The following RHOQ variants were observed in gnomAD, a reference collection of about 807,000 sequenced individuals.
RHOQ encodes the protein rho-related GTP-binding protein RhoQ.
RHOQ carries 7 observed loss-of-function variants against 25.8 expected under a neutral mutation model. The ratio of observed to expected loss-of-function variants is 0.27; its 90% confidence interval spans 0.15 to 0.51. The LOEUF is 0.51. Ranked by LOEUF, RHOQ falls within the 20% of genes least tolerant of loss-of-function variation. The probability of loss-of-function intolerance (pLI) is 0.97; values close to 1 mark genes in which losing one functional copy is unlikely to be tolerated. For missense variants in RHOQ, 165 were observed against 260.6 expected (o/e 0.63, Z 2.53); for synonymous variants, 97 against 98.6 (o/e 0.98, Z 0.10).
intron 4 of RHOQ, chr2:46,579,963 C>T (rs1023451197): frequency 2.0e-5 from 3 of 152,396 alleles, no homozygotes; most frequent in African/African-American, 7.2e-5. Context: ...TTTTTTCTAA[C>T]TCTTCCCTCT....
intron 2 of RHOQ, among the ~76,000 whole-genome samples, chr2:46,560,176 G>T (rs1216432295): frequency 1.3e-5 from 2 of 152,210 alleles, no homozygotes; most frequent in African/African-American, 4.8e-5. Context: ...GTGCAGTCCG[G>T]TGTTTAACTG....
chr2:46,574,611 TG>T (rs1212898648), intron 2 of RHOQ, among the ~76,000 whole-genome samples: 2 of 152,164 alleles, frequency 1.3e-5, no homozygotes, highest in Non-Finnish European at 2.9e-5. Flanking sequence ...TGCAGAAGAT[TG>T]GGGGTGGCAT....
At chr2:46,572,940 CA>C (rs1293030233) in intron 2 of RHOQ, among the ~76,000 whole-genome samples, 6 of 152,152 alleles carry the variant, frequency 3.9e-5, no homozygotes, top group Non-Finnish European at 7.3e-5. Flanking sequence ...GCATATGAAC[CA>C]TTTTATATGA....
In RHOQ at chr2:46,546,517, TAC is replaced by T. The variant is rs1297530616; in HGVS notation, c.201+2707_201+2708del. ...ATATATATATATATATATATGTATA[TAC>T]ATATATATATATACACAAATCCTTA... On this transcript the variant is annotated intron_variant, in intron 2 of 4. Transcript: ENST00000238738. Among the ~76,000 whole-genome samples the T allele has an allele frequency of 5.7e-3, 138 of 24,174 alleles. 4 individuals carry two copies. The highest frequency in any genetic ancestry group is 7.1e-3 in the Non-Finnish European group (94 of 13,194). The allele number at this position is 24,174 out of a possible 152,430, so 15.9% of individuals were successfully genotyped here. A position where few individuals can be genotyped will look rare whatever the true frequency, so the allele number is the denominator to read the frequency against.
chr2:46,571,927 C>G (rs185043982), intron 2 of RHOQ, among the ~76,000 whole-genome samples: 10 of 152,068 alleles, frequency 6.6e-5, no homozygotes, highest in African/African-American at 2.4e-4. Context: ...ATGAAGGGGA[C>G]AAAGAATAGT....
rs866471458 is a variant in RHOQ at position 46,548,317 on chromosome 2, C to T, written c.201+4505C>T. The stretch of plus-strand genomic sequence containing the variant: ...GCACTTCCCCTACAGAAGGGAATCT[C>T]CACCGGAGGCAGGCTTGGCATGCCC... On this transcript the variant is annotated intron_variant, in intron 2 of 4. Coordinates refer to ENST00000238738, the MANE Select transcript of RHOQ (RefSeq NM_012249.4). The surrounding 1 kb of genome is among the most constrained non-coding windows in gnomAD (Gnocchi z 5.2). 6.6e-6 allele frequency among the ~76,000 whole-genome samples: 1 copy of T among 152,182 alleles called. No homozygotes were observed. The highest frequency in any genetic ancestry group is 1.5e-5 in the Non-Finnish European group (1 of 68,028).
chr2:46,557,333 T>C (rs1425564314), intron 2 of RHOQ, among the ~76,000 whole-genome samples: 1 of 152,226 alleles, frequency 6.6e-6, no homozygotes, highest in Non-Finnish European at 1.5e-5. Flanking sequence ...AAAAGGGAGT[T>C]GCTAAATCAC....
At chr2:46,543,655 A>C in intron 1 of RHOQ, 99 bp from the exon 2 acceptor site, 1 of 1,043,178 alleles carries the variant, frequency 9.6e-7, no homozygotes, top group Non-Finnish European at 1.5e-6. Flanking sequence ...CCACGCCTCT[A>C]GCTGGGTTGG....
rs945600027 is a variant in RHOQ, at chr2:46,552,908, A to C, written c.201+9096A>C. 5.9e-5 allele frequency among the ~76,000 whole-genome samples: 9 copies of C among 152,208 alleles called. No homozygotes were observed. The highest frequency in any genetic ancestry group is 2.2e-4 in the African/African-American group (9 of 41,454). ...GGAGGTGAAATGCTAGTAAGAGTTA[A>C]GTTGAGTAAGGTTGTTTCCACGAAA... is the stretch of plus-strand genomic sequence containing the variant. On this transcript the variant is annotated intron_variant, in intron 2 of 4. Transcript: ENST00000238738. The surrounding 1 kb of genome is among the most constrained non-coding windows in gnomAD (Gnocchi z 5.0).
In RHOQ at chr2:46,542,526, G is replaced by C. The variant is rs376814749; in HGVS notation, c.-521G>C. On this transcript the variant is annotated 5_prime_UTR_variant, in exon 1 of 5. Transcript: ENST00000238738. Reference sequence around the variant, plus strand: ...CGCCCCTCCGCGCGGCCCTCGCAGGGAGTGGGGCTCGGGTGCGCCGGCAGG... The same window carrying C: ...CGCCCCTCCGCGCGGCCCTCGCAGGCAGTGGGGCTCGGGTGCGCCGGCAGG... 1 of 149,428 alleles carries C rather than the reference G, an allele frequency of 6.7e-6. No individual in the cohort carries two copies. Among genetic ancestry groups the C allele is most frequent in the African/African-American group, 2.4e-5 (1 of 41,144 alleles). 9.3% of individuals were successfully genotyped at this position (149,428 alleles called of 1,614,324 possible). A position where few individuals can be genotyped will look rare whatever the true frequency, so the allele number is the denominator to read the frequency against.
At chr2:46,574,688 A>C (rs774157179) in intron 2 of RHOQ, among the ~76,000 whole-genome samples, 9 of 152,226 alleles carry the variant, frequency 5.9e-5, no homozygotes, top group Non-Finnish European at 1.0e-4. Flanking sequence ...TCTAGATTAT[A>C]GGTGTGCCCT....
rs1163645852 is a variant in RHOQ at position 46,583,512 on chromosome 2, C to A, written c.*2429C>A. On this transcript the variant is annotated 3_prime_UTR_variant, in exon 5 of 5. Coordinates refer to ENST00000238738, the MANE Select transcript of RHOQ (RefSeq NM_012249.4). ...CTGAAGCTGAGGTGCCTTAGGTACT[C>A]TACTGACCTTGATGGGTTTGGAGTT... 6.6e-6 allele frequency among the ~76,000 whole-genome samples: 1 copy of A among 152,106 alleles called. No homozygotes were observed. Among genetic ancestry groups the A allele is most frequent in the Non-Finnish European group, 1.5e-5 (1 of 67,996 alleles).
At chr2:46,561,280 G>A (rs1237551589) in intron 2 of RHOQ, among the ~76,000 whole-genome samples, 1 of 151,952 alleles carries the variant, frequency 6.6e-6, no homozygotes, top group African/African-American at 2.4e-5. Flanking sequence ...GGTCTGGACA[G>A]TTTTCCTAAG....
At chr2:46,574,579 G>A (rs1016227777) in intron 2 of RHOQ, among the ~76,000 whole-genome samples, 19 of 152,056 alleles carry the variant, frequency 1.2e-4, no homozygotes, top group African/African-American at 2.4e-4. Flanking sequence ...ATTTAGAGGC[G>A]TTCACTTTAA....
In RHOQ at chr2:46,583,032, T is replaced by C. The variant is rs575480660; in HGVS notation, c.*1949T>C. On this transcript the variant is annotated 3_prime_UTR_variant, in exon 5 of 5. Coordinates refer to ENST00000238738, the MANE Select transcript of RHOQ (RefSeq NM_012249.4). ...TATTTTTAGATAAAATTGAAAGGAA[T>C]TGTATAAATCAATTAACATATTAGC... 17 of 152,316 alleles carry C rather than the reference T, an allele frequency of 1.1e-4. No individual in the cohort carries two copies. The highest frequency in any genetic ancestry group is 9.8e-4 in the Admixed American group (15 of 15,306). 9.4% of individuals were successfully genotyped at this position (152,316 alleles called of 1,614,324 possible). A position where few individuals can be genotyped will look rare whatever the true frequency, so the allele number is the denominator to read the frequency against.
Position 46,567,581 on chromosome 2 carries a change from C to T in RHOQ, c.202-8506C>T, listed in dbSNP as rs969106410. Among the ~76,000 whole-genome samples the T allele has an allele frequency of 6.6e-5, 10 of 151,934 alleles. No homozygotes were observed. The East Asian group carries it at 1.5e-3, about 23-fold the overall frequency. On this transcript the variant is annotated intron_variant, in intron 2 of 4. Coordinates refer to ENST00000238738, the MANE Select transcript of RHOQ (RefSeq NM_012249.4). ...GCTCATTTTTTATTTTTGTAGAGAT[C>T]GTGTTTTGCCATGTTGCCCACACTG...
chr2:46,559,602 C>A (rs1668508523), intron 2 of RHOQ, among the ~76,000 whole-genome samples: 1 of 152,098 alleles, frequency 6.6e-6, no homozygotes, highest in Non-Finnish European at 1.5e-5. Context: ...GCATCCCCAG[C>A]CTTTTCCCCC....
chr2:46,567,745 TG>T (rs1440952929), intron 2 of RHOQ, among the ~76,000 whole-genome samples: 10 of 152,142 alleles, frequency 6.6e-5, no homozygotes, highest in African/African-American at 2.4e-4. Flanking sequence ...CAATGTGGAC[TG>T]AAATTACCTT....
At chr2:46,579,564 C>A (rs1028659331) in intron 4 of RHOQ, among the ~76,000 whole-genome samples, 1 of 152,120 alleles carries the variant, frequency 6.6e-6, no homozygotes, top group African/African-American at 2.4e-5. Context: ...AGGTCAGAAG[C>A]CCTCAGCTGG....
Sources: gnomAD v4.1 joint callset for allele counts (sites outside exome capture counted in the v4.1 genomes callset) on GRCh38, gnomAD v4.1.1 for gene constraint, Gnocchi (gnomAD v3.1) non-coding constraint, MANE v1.5 for transcripts, NCBI Gene and HGNC (gene_info 2026-07-23, HGNC 2026-07-21) for gene names.